The following IPMK variants were observed in gnomAD, a reference collection of about 807,000 sequenced individuals.
IPMK encodes inositol 1,3,4,6-tetrakisphosphate 5-kinase.
In IPMK, 17 loss-of-function variants were observed where a neutral mutation model predicts 45.8. The observed-to-expected ratio is 0.37, with a 90% CI of 0.25 to 0.56. IPMK has a LOEUF of 0.56. IPMK is among the 20% of genes least tolerant of loss of function. IPMK has a pLI of 0.79. For missense variants in IPMK, 399 were observed against 498.0 expected (o/e 0.80, Z 1.89); for synonymous variants, 180 against 184.3 (o/e 0.98, Z 0.19).
At chr10:58,214,427 G>A (rs1455434309) in intron 4 of IPMK, among the ~76,000 whole-genome samples, 1 of 152,214 alleles carries the variant, frequency 6.6e-6, no homozygotes, top group African/African-American at 2.4e-5. Context: ...TGAGAGATCT[G>A]AAAACAGTGG....
At position 58,253,261 on chromosome 10, in the gene IPMK, C is replaced by G. The variant is rs547738942; in HGVS notation, c.190+14161G>C. ...GTAAGGCCTCCTGAGCCATGTGGAA[C>G]TGTGAGTCAATTAAATCTCCTTCCT... On this transcript the variant is annotated intron_variant, in intron 1 of 5. Transcript: ENST00000373935. Among the ~76,000 whole-genome samples, 5 of 152,306 alleles carry G rather than the reference C, an allele frequency of 3.3e-5. No individual in the cohort carries two copies. The East Asian group carries it at 9.6e-4, about 29-fold the overall frequency.
chr10:58,243,180 T>C (rs934577671), intron 1 of IPMK, among the ~76,000 whole-genome samples: 1 of 152,162 alleles, frequency 6.6e-6, no homozygotes, highest in Non-Finnish European at 1.5e-5. Flanking sequence ...TATAACATTA[T>C]TTACAATAGC....
chr10:58,229,216 T>C (rs1838467812), intron 2 of IPMK, among the ~76,000 whole-genome samples: 1 of 152,146 alleles, frequency 6.6e-6, no homozygotes, highest in Admixed American at 6.6e-5. Context: ...AGAATTTTTT[T>C]TTTAAATACT....
chr10:58,242,447 G>A (rs1349787852), intron 1 of IPMK, among the ~76,000 whole-genome samples: 9 of 136,110 alleles, frequency 6.6e-5, no homozygotes, highest in East Asian at 2.1e-4. Flanking sequence ...GCGACAGAGC[G>A]AGACTCCGTC....
chr10:58,231,759 A>C (rs1336712419), intron 2 of IPMK, among the ~76,000 whole-genome samples: 2 of 152,202 alleles, frequency 1.3e-5, no homozygotes, highest in Non-Finnish European at 2.9e-5. Flanking sequence ...CTATGAAAAA[A>C]CTGCATCAAT....
intron 4 of IPMK, among the ~76,000 whole-genome samples, chr10:58,202,547 C>T (rs1838012425): frequency 1.3e-5 from 2 of 152,170 alleles, no homozygotes; most frequent in African/African-American, 2.4e-5. Flanking sequence ...TGCCTGTAGT[C>T]GCAGCTACTT....
chr10:58,233,601 C>T (rs1838561151), intron 2 of IPMK, among the ~76,000 whole-genome samples: 1 of 152,052 alleles, frequency 6.6e-6, no homozygotes, highest in Admixed American at 6.6e-5. Context: ...GAAGAAAAGG[C>T]CTTCAAGAAA....
intron 1 of IPMK, 41 bp downstream of exon 1, chr10:58,267,381 G>A (rs767164534): frequency 2.5e-6 from 4 of 1,602,438 alleles, no homozygotes; most frequent in Admixed American, 1.7e-5. Flanking sequence ...GGCTCGCACA[G>A]GCGGAAGGGG....
At chr10:58,209,245 A>T (rs2132148147) in intron 4 of IPMK, among the ~76,000 whole-genome samples, 1 of 152,220 alleles carries the variant, frequency 6.6e-6, no homozygotes, top group Middle Eastern at 3.4e-3. Context: ...TCTACAGTGG[A>T]GTCCTGGGGA....
At chr10:58,237,923 A>G (rs1838638596) in intron 1 of IPMK, 109 bp from the exon 2 acceptor site, 1 of 764,140 alleles carries the variant, frequency 1.3e-6, no homozygotes. Context: ...ATTAAACTTA[A>G]GGGTTTACTT....
intron 2 of IPMK, among the ~76,000 whole-genome samples, chr10:58,234,105 C>T (rs1471980714): frequency 1.3e-5 from 2 of 152,128 alleles, no homozygotes; most frequent in Non-Finnish European, 2.9e-5. Context: ...ATCCAACTTA[C>T]AAGGGATGTG....
At chr10:58,241,966 T>C (rs1324914815) in intron 1 of IPMK, among the ~76,000 whole-genome samples, 3 of 151,556 alleles carry the variant, frequency 2.0e-5, no homozygotes, top group Non-Finnish European at 2.9e-5. Flanking sequence ...ATCACCAACA[T>C]TACCAGTCAA....
chr10:58,201,006 GA>G lies in IPMK; in HGVS notation c.547-1686del, dbSNP rs532295331. Among the ~76,000 whole-genome samples the G allele has an allele frequency of 3.6e-4, 55 of 151,658 alleles. No homozygotes were observed. In the South Asian group the frequency reaches 7.9e-3, roughly 22 times the overall value. On this transcript the variant is annotated intron_variant, in intron 4 of 5. Transcript: ENST00000373935. ...ACGCAGAAATCAAAAGAAAAATAGA[GA>G]AAAAAAACTGTTTGAAATTTATTTG...
intron 1 of IPMK, among the ~76,000 whole-genome samples, chr10:58,253,734 C>CCA (rs1838919471): frequency 1.0e-4 from 5 of 49,886 alleles, no homozygotes; most frequent in African/African-American, 4.8e-4. Flanking sequence ...ACTCCATCTC[C>CCA]AAAAAAAAAA....
chr10:58,211,357 A>T (rs1838156162), intron 4 of IPMK, among the ~76,000 whole-genome samples: 1 of 151,822 alleles, frequency 6.6e-6, no homozygotes, highest in South Asian at 2.1e-4. Flanking sequence ...ATATGCAACT[A>T]ATTTTAATAT....
At chr10:58,255,069 T>G (rs1838944161) in intron 1 of IPMK, among the ~76,000 whole-genome samples, 1 of 152,228 alleles carries the variant, frequency 6.6e-6, no homozygotes, top group Non-Finnish European at 1.5e-5. Flanking sequence ...TGCAAGCACC[T>G]GGGCTTTGTG....
intron 4 of IPMK, among the ~76,000 whole-genome samples, chr10:58,213,532 T>C (rs951965140): frequency 6.6e-6 from 1 of 151,744 alleles, no homozygotes; most frequent in South Asian, 2.1e-4. Flanking sequence ...AAAAAAATAC[T>C]AAAAATTAGC....
chr10:58,235,677 G>A (rs2790222), intron 2 of IPMK, among the ~76,000 whole-genome samples: 51,460 of 152,014 alleles, frequency 0.34, 10,954 homozygotes, highest in African/African-American at 0.61. Flanking sequence ...TGCGGGGCTG[G>A]GGAGGGATAG....
intron 1 of IPMK, among the ~76,000 whole-genome samples, chr10:58,263,983 A>G (rs1839112557): frequency 6.6e-6 from 1 of 152,242 alleles, no homozygotes; most frequent in Non-Finnish European, 1.5e-5. Flanking sequence ...ATTGCAATAA[A>G]TGATTCTGGA....
Sources: allele counts gnomAD v4.1 joint callset (sites outside exome capture counted in the v4.1 genomes callset), GRCh38; gene constraint gnomAD v4.1.1; transcripts MANE v1.5; gene names NCBI Gene and HGNC (gene_info 2026-07-23, HGNC 2026-07-21).